The following IMMP2L variants were observed in gnomAD, a reference collection of about 807,000 sequenced individuals.
IMMP2L encodes mitochondrial inner membrane protease subunit 2.
IMMP2L carries 18 observed loss-of-function variants against 19.3 expected under a neutral mutation model. That is an observed-to-expected ratio of 0.93 (90% CI 0.64 to 1.38). The LOEUF is 1.38. Among genes scored for constraint, IMMP2L ranks in the 40% most tolerant of loss-of-function variants. The pLI, the probability that IMMP2L is intolerant of heterozygous loss-of-function variation, is 0.00. For synonymous variants in IMMP2L, 76 were observed against 73.0 expected, an observed-to-expected ratio of 1.04 and a Z score of -0.21; for missense variants, 233 against 218.2, an observed-to-expected ratio of 1.07 and a Z score of -0.43.
At chr7:110,920,342 A>G (rs559151341) in intron 4 of IMMP2L, among the ~76,000 whole-genome samples, 576 of 152,286 alleles carry the variant, frequency 3.8e-3, no homozygotes, top group Non-Finnish European at 6.5e-3. Context: ...AGGGACACAG[A>G]AAGATGTGGT....
chr7:111,136,272 C>T (rs573689346), intron 3 of IMMP2L, among the ~76,000 whole-genome samples: 118 of 152,252 alleles, frequency 7.8e-4, no homozygotes, highest in African/African-American at 2.6e-3. Flanking sequence ...ATGATCCACC[C>T]GCCTTGGCCT....
At chr7:110,851,467 C>G (rs1018624713) in intron 5 of IMMP2L, among the ~76,000 whole-genome samples, 1 of 152,138 alleles carries the variant, frequency 6.6e-6, no homozygotes, top group Non-Finnish European at 1.5e-5. Flanking sequence ...CTTCCTTGTC[C>G]TGAGACGTTG....
chr7:111,088,192 T>TA (rs1370814892), intron 3 of IMMP2L, among the ~76,000 whole-genome samples: 1 of 152,152 alleles, frequency 6.6e-6, no homozygotes, highest in East Asian at 1.9e-4. Flanking sequence ...TCCCAACCAC[T>TA]AAGTCAGTGA....
chr7:110,883,864 G>A (rs1326457866), intron 5 of IMMP2L, among the ~76,000 whole-genome samples: 1 of 151,864 alleles, frequency 6.6e-6, no homozygotes. Context: ...AGATAAAAAT[G>A]ATAGAAAAAC....
At chr7:111,313,971 C>A (rs1823783474) in intron 3 of IMMP2L, among the ~76,000 whole-genome samples, 1 of 151,586 alleles carries the variant, frequency 6.6e-6, no homozygotes, top group Non-Finnish European at 1.5e-5. Flanking sequence ...GAGTGTGGCA[C>A]TTTCTGCCCT....
At chr7:111,328,669 G>C (rs1457098233) in intron 3 of IMMP2L, among the ~76,000 whole-genome samples, 1 of 151,818 alleles carries the variant, frequency 6.6e-6, no homozygotes, top group Non-Finnish European at 1.5e-5. Flanking sequence ...CCATGGGTGG[G>C]ATGTTCATAA....
intron 5 of IMMP2L, among the ~76,000 whole-genome samples, chr7:110,729,721 T>C (rs1219744270): frequency 6.6e-6 from 1 of 152,164 alleles, no homozygotes; most frequent in East Asian, 1.9e-4. Flanking sequence ...TGAAAACACA[T>C]GGACACATGG....
chr7:110,764,477 T>C (rs1798539019), intron 5 of IMMP2L, among the ~76,000 whole-genome samples: 1 of 152,122 alleles, frequency 6.6e-6, no homozygotes, highest in African/African-American at 2.4e-5. Context: ...AAGAATATCA[T>C]CACATGTAAT....
intron 3 of IMMP2L, among the ~76,000 whole-genome samples, chr7:111,291,275 T>G (rs897068542): frequency 6.6e-6 from 1 of 152,170 alleles, no homozygotes; most frequent in Non-Finnish European, 1.5e-5. Flanking sequence ...GACCAGTGGT[T>G]GCAGCAGCAG....
At chr7:111,325,851 T>C (rs1192340156) in intron 3 of IMMP2L, among the ~76,000 whole-genome samples, 1 of 151,802 alleles carries the variant, frequency 6.6e-6, no homozygotes, top group African/African-American at 2.4e-5. Context: ...CATCTCACAG[T>C]TGATTCATTT....
At chr7:110,863,733 A>T (rs1807693555) in intron 5 of IMMP2L, among the ~76,000 whole-genome samples, 1 of 152,150 alleles carries the variant, frequency 6.6e-6, no homozygotes, top group Non-Finnish European at 1.5e-5. Flanking sequence ...GAATACTTAA[A>T]TATTAAGTGC....
At position 111,002,262 on chromosome 7, in the gene IMMP2L, G is replaced by A. The variant is rs147440022; in HGVS notation, c.240-38697C>T. On this transcript the variant is annotated intron_variant, in intron 3 of 5. Coordinates refer to ENST00000405709, the MANE Select transcript of IMMP2L (RefSeq NM_032549.4). ...TAATAGAAAGCCTCTCCAGCCCAGA[G>A]GGATAAGTAAGCCTGCCTATTACCC... Among the ~76,000 whole-genome samples the A allele has an allele frequency of 4.4e-3, 675 of 152,202 alleles. 4 individuals carry two copies. Among genetic ancestry groups the A allele is most frequent in the Middle Eastern group, 0.014 (4 of 294 alleles).
At chr7:110,763,625 C>T (rs1016429041) in intron 5 of IMMP2L, among the ~76,000 whole-genome samples, 1 of 152,066 alleles carries the variant, frequency 6.6e-6, no homozygotes, top group Non-Finnish European at 1.5e-5. Flanking sequence ...ACTGACAAAC[C>T]ACTTAAATCT....
intron 3 of IMMP2L, chr7:111,411,544 C>T (rs968731587): frequency 5.3e-6 from 2 of 379,850 alleles, no homozygotes; most frequent in African/African-American, 4.3e-5. Context: ...GAGGTATCTA[C>T]AAGACCCCAG....
chr7:110,878,094 T>C (rs1331368259), intron 5 of IMMP2L, among the ~76,000 whole-genome samples: 3 of 151,432 alleles, frequency 2.0e-5, no homozygotes, highest in East Asian at 1.9e-4. Context: ...TCAGTATCAT[T>C]TGCCAGTAGC....
chr7:111,551,184 G>A (rs1370544298), intron 1 of IMMP2L, among the ~76,000 whole-genome samples: 1 of 152,158 alleles, frequency 6.6e-6, no homozygotes, highest in African/African-American at 2.4e-5. Flanking sequence ...TTCAAAAGTT[G>A]ACTGTAAATG....
chr7:110,676,009 T>G lies in IMMP2L; in HGVS notation c.409-12288A>C, dbSNP rs147579476. On this transcript the variant is annotated intron_variant, in intron 5 of 5. Transcript: ENST00000405709. ...TACTACTAAAATTAAACCTGCAGTA[T>G]AGATATTACTAATTGCATTTTGCAA... Among the ~76,000 whole-genome samples the G allele has an allele frequency of 2.8e-3, 421 of 152,308 alleles. 2 individuals are homozygous for G. The highest frequency in any genetic ancestry group is 5.2e-3 in the Non-Finnish European group (354 of 68,024).
intron 4 of IMMP2L, among the ~76,000 whole-genome samples, chr7:110,918,828 T>A (rs1047909126): frequency 6.6e-6 from 1 of 152,194 alleles, no homozygotes; most frequent in African/African-American, 2.4e-5. Context: ...ATTTCTCTAA[T>A]AATTTTAAAA....
chr7:111,484,615 G>A (rs1842470592), intron 3 of IMMP2L, among the ~76,000 whole-genome samples: 1 of 151,964 alleles, frequency 6.6e-6, no homozygotes, highest in Admixed American at 6.6e-5. Context: ...TATCATCTAT[G>A]TTAAAAACAA....
Sources: allele counts gnomAD v4.1 joint callset (sites outside exome capture counted in the v4.1 genomes callset), GRCh38; gene constraint gnomAD v4.1.1; transcripts MANE v1.5; gene names NCBI Gene and HGNC (gene_info 2026-07-23, HGNC 2026-07-21).